ARHGDIB: variants seen among roughly 807,000 people sequenced by gnomAD.
ARHGDIB encodes rho GDP-dissociation inhibitor 2.
In ARHGDIB, 20 loss-of-function variants were observed where a neutral mutation model predicts 22.6. The ratio of observed to expected loss-of-function variants is 0.88; its 90% CI spans 0.62 to 1.28. The LOEUF is 1.28. Ranked by LOEUF, ARHGDIB falls within the 50% of genes most tolerant of loss-of-function variation. ARHGDIB has a pLI of 0.00. For missense variants in ARHGDIB, 254 were observed against 245.4 expected, an observed-to-expected ratio of 1.04 and a Z score of -0.23; for synonymous variants, 114 against 96.1, an observed-to-expected ratio of 1.19 and a Z score of -1.09.
Position 14,942,310 on chromosome 12 carries a change from G to A in ARHGDIB, c.*212C>T. ...ACGTGGAAGATCTGGCCCTGATGGA[G>A]GATCAGAGGGAGCAGGTTGGGTGAA... On this transcript the variant is annotated 3_prime_UTR_variant, in exon 6 of 6. Coordinates refer to ENST00000228945, the MANE Select transcript of ARHGDIB (RefSeq NM_001175.7). 1 of 579,172 alleles carries A rather than the reference G, an allele frequency of 1.7e-6. No homozygotes were observed. The highest frequency in any genetic ancestry group is 3.1e-6 in the Non-Finnish European group (1 of 323,374). 35.9% of individuals were successfully genotyped at this position (579,172 alleles called of 1,614,324 possible).
At chr12:14,960,217 G>T (rs1322994136) in intron 1 of ARHGDIB, among the ~76,000 whole-genome samples, 1 of 152,218 alleles carries the variant, frequency 6.6e-6, no homozygotes, top group African/African-American at 2.4e-5. Context: ...GGGCTTGCCA[G>T]ACACACACCT....
Position 14,950,529 on chromosome 12 carries a change from T to G in ARHGDIB, c.181+3A>C, listed in dbSNP as rs1373098380. ...ACCCACCCTGTTCTCTGTACACACA[T>G]ACCTGTCACCACAGGACCATCTCCC... is the stretch of plus-strand genomic sequence containing the variant. On this transcript the variant is annotated splice_donor_region_variant and intron_variant, in intron 2 of 5. Transcript: ENST00000228945. 6.2e-7 allele frequency: 1 copy of G among 1,611,162 alleles called. No individual in the cohort carries two copies. The highest frequency in any genetic ancestry group is 8.5e-7 in the Non-Finnish European group (1 of 1,178,358).
At chr12:14,947,816 T>C in intron 4 of ARHGDIB, 57 bp downstream of exon 4, 3 of 1,365,284 alleles carry the variant, frequency 2.2e-6, no homozygotes, top group Non-Finnish European at 3.1e-6. Flanking sequence ...AGAAATGTAG[T>C]CACTGATTAA....
At chr12:14,958,155 G>C (rs1045645481) in intron 1 of ARHGDIB, among the ~76,000 whole-genome samples, 1 of 152,116 alleles carries the variant, frequency 6.6e-6, no homozygotes, top group African/African-American at 2.4e-5. Context: ...TGGCAATTTG[G>C]TGTATTACGG....
chr12:14,953,841 TTCTCTTTCTC>T lies in ARHGDIB; in HGVS notation c.-12-3127_-12-3118del, dbSNP rs1211674621. Among the ~76,000 whole-genome samples, 80 of 148,620 alleles carry T rather than the reference TTCTCTTTCTC, an allele frequency of 5.4e-4. 2 individuals carry two copies. Among genetic ancestry groups the T allele is most frequent in the Admixed American group, 2.1e-3 (32 of 15,064 alleles). On this transcript the variant is annotated intron_variant, in intron 1 of 5. Transcript: ENST00000228945. ...TTGCTCTCTCTCTCTCTCTCTCTCT[TTCTCTTTCTC>T]TCTCTTTCTCTCTTTCTCCCTTTCT...
chr12:14,953,289 A>G (rs1168957628), intron 1 of ARHGDIB, among the ~76,000 whole-genome samples: 1 of 152,232 alleles, frequency 6.6e-6, no homozygotes, highest in Admixed American at 6.5e-5. Context: ...ATAGCATAAG[A>G]AAAAGAGATA....
chr12:14,959,625 C>A (rs1864371540), intron 1 of ARHGDIB, among the ~76,000 whole-genome samples: 1 of 152,136 alleles, frequency 6.6e-6, no homozygotes. Context: ...TGTGCTCTCC[C>A]AAATCAGCTC....
rs1324911787 is a variant in ARHGDIB, at chr12:14,942,668, C to T, written c.460G>A (p.Glu154Lys). ...GCCTCCTCAACTGGAGTGAGGAACT[C>T]ATACTCCTCAGGCCGAGGTCCATAG... Reference protein sequence around the residue: ...GSYGPRPEEYEFLTPVEEAPK... With the variant: ...GSYGPRPEEYKFLTPVEEAPK... Residue 154 changes from glutamate to lysine, a missense_variant, in exon 6 of 6, where the codon GAG becomes AAG. Physicochemically the swap from Glu to Lys is moderately conservative, Grantham distance 56. Transcript: ENST00000228945. 6 of 1,614,148 alleles carry T rather than the reference C, an allele frequency of 3.7e-6. No individual in the cohort carries two copies. In the South Asian group the frequency reaches 6.6e-5, roughly 18 times the overall value.
At chr12:14,944,863 T>A (rs1863973674) in intron 4 of ARHGDIB, 24 bp from the exon 5 acceptor site, 15 of 1,608,796 alleles carry the variant, frequency 9.3e-6, no homozygotes, top group Non-Finnish European at 1.3e-5. Flanking sequence ...GGAACCAAGA[T>A]GTTCAGATTA....
At chr12:14,944,426 T>A (rs1863960623) in intron 5 of ARHGDIB, among the ~76,000 whole-genome samples, 1 of 150,368 alleles carries the variant, frequency 6.7e-6, no homozygotes. Flanking sequence ...GACACTTGGG[T>A]TTTGTACCTG....
intron 3 of ARHGDIB, chr12:14,948,749 A>G (rs1864091389): frequency 6.6e-6 from 1 of 152,202 alleles, no homozygotes; most frequent in Non-Finnish European, 1.5e-5. Context: ...TGAAGAGAAC[A>G]GATTTCTTTA....
intron 1 of ARHGDIB, chr12:14,951,131 T>A (rs149391226): frequency 6.4e-6 from 1 of 157,132 alleles, no homozygotes; most frequent in East Asian, 1.9e-4. Context: ...GCTTGCAGCA[T>A]GCACAGTCTG....
chr12:14,942,323 C>A lies in ARHGDIB; in HGVS notation c.*199G>T. 1 of 593,744 alleles carries A rather than the reference C, an allele frequency of 1.7e-6. No individual in the cohort carries two copies. The highest frequency in any genetic ancestry group is 3.0e-6 in the Non-Finnish European group (1 of 332,994). 36.8% of individuals were successfully genotyped at this position (593,744 alleles called of 1,614,324 possible). A position where few individuals can be genotyped will look rare whatever the true frequency, so the allele number is the denominator to read the frequency against. The stretch of plus-strand genomic sequence containing the variant: ...GGCCCTGATGGAGGATCAGAGGGAG[C>A]AGGTTGGGTGAAAGCCCGGTTTTAA... On this transcript the variant is annotated 3_prime_UTR_variant, in exon 6 of 6. Transcript: ENST00000228945.
rs1864126554 is a variant in ARHGDIB, at chr12:14,949,863, A to C, written c.204T>G (p.Val68=). ...CACAAACCAGGGTGAGCCGGGTGAC[A>C]ACGACATTGGGGGCTTTCGGATCTG... ...VVTDPKAPNV[V]VTRLTLVCES... The change falls in exon 3 of 6, where the codon GTT becomes GTG. Residue 68 remains valine, a synonymous_variant. Coordinates refer to ENST00000228945, the MANE Select transcript of ARHGDIB (RefSeq NM_001175.7). 1 of 1,613,636 alleles carries C rather than the reference A, an allele frequency of 6.2e-7. No individual in the cohort carries two copies. Among genetic ancestry groups the C allele is most frequent in the Non-Finnish European group, 8.5e-7 (1 of 1,179,710 alleles).
At chr12:14,955,643 T>A (rs1192653515) in intron 1 of ARHGDIB, among the ~76,000 whole-genome samples, 1 of 152,234 alleles carries the variant, frequency 6.6e-6, no homozygotes, top group East Asian at 1.9e-4. Context: ...ACTGCATTTT[T>A]AACGTTATTT....
rs907885860 is a variant in ARHGDIB at position 14,950,782 on chromosome 12, TG to T, written c.-12-59del. On this transcript the variant is annotated intron_variant, in intron 1 of 5. Coordinates refer to ENST00000228945, the MANE Select transcript of ARHGDIB (RefSeq NM_001175.7). ...AAGTCATGAATATAAAAGATGTTAG[TG>T]GGGCTGCTGTTAGCAGCCTCCTTAC... The T allele has an allele frequency of 5.0e-5, 72 of 1,448,500 alleles. No individual in the cohort carries two copies. In the East Asian group the frequency reaches 1.3e-3, roughly 27 times the overall value. 89.7% of individuals were successfully genotyped at this position (1,448,500 alleles called of 1,614,324 possible). A position where few individuals can be genotyped will look rare whatever the true frequency, so the allele number is the denominator to read the frequency against.
chr12:14,952,270 A>G (rs531155099), intron 1 of ARHGDIB, among the ~76,000 whole-genome samples: 45 of 106,884 alleles, frequency 4.2e-4, no homozygotes, highest in African/African-American at 1.6e-3. Context: ...AGCAATTTTA[A>G]TGGAACCAAA....
intron 5 of ARHGDIB, among the ~76,000 whole-genome samples, chr12:14,943,399 TTGTTG>T (rs1863926350): frequency 1.5e-5 from 1 of 66,658 alleles, no homozygotes; most frequent in African/African-American, 4.4e-5. Context: ...TTTGTTGTTG[TTGTTG>T]TTTTTTTTAT....
At chr12:14,944,403 C>G (rs1415457655) in intron 5 of ARHGDIB, among the ~76,000 whole-genome samples, 1 of 148,108 alleles carries the variant, frequency 6.8e-6, no homozygotes, top group Non-Finnish European at 1.5e-5. Context: ...TTTTTTCTTT[C>G]TTGGTTTTCT....
Sources: allele counts gnomAD v4.1 joint callset (sites outside exome capture counted in the v4.1 genomes callset), GRCh38; gene constraint gnomAD v4.1.1; transcripts MANE v1.5; gene names NCBI Gene and HGNC (gene_info 2026-07-23, HGNC 2026-07-21).